The following PSMD6 variants were observed in gnomAD, a reference collection of about 807,000 sequenced individuals.
PSMD6 encodes the protein 26S proteasome non-ATPase regulatory subunit 6.
Under a neutral mutation model 44.9 loss-of-function variants are expected in PSMD6, and 7 were observed. The ratio of observed to expected loss-of-function variants is 0.16; its 90% CI spans 0.09 to 0.29. PSMD6 has a LOEUF of 0.29. PSMD6 is among the 10% of genes least tolerant of loss of function. The pLI, the probability that PSMD6 is intolerant of heterozygous loss-of-function variation, is 1.00. For synonymous variants in PSMD6, 184 were observed against 172.7 expected, an observed-to-expected ratio of 1.07 and a Z score of -0.51; for missense variants, 420 against 482.6, an observed-to-expected ratio of 0.87 and a Z score of 1.21.
chr3:64,011,655 A>G (rs1445006292), intron 6 of PSMD6: 1 of 152,058 alleles, frequency 6.6e-6, no homozygotes, highest in Non-Finnish European at 1.5e-5. Flanking sequence ...AAGGGAAAAA[A>G]AAAAAACTGA....
Position 64,019,327 on chromosome 3 carries a change from G to C in PSMD6, c.466C>G (p.Leu156Val). Residue 156 changes from leucine to valine, a missense_variant, in exon 3 of 8, where the codon CTC (leucine) becomes GTC (valine). Transcript: ENST00000295901. Reference sequence around the variant, plus strand: ...GCCTTTTCTGTGTTTCGTGTGATGAGATCATTATCCATATAAAATAAGCCA... The same window carrying C: ...GCCTTTTCTGTGTTTCGTGTGATGACATCATTATCCATATAAAATAAGCCA... ...RIGLFYMDND[L>V]ITRNTEKAKS... The C allele has an allele frequency of 1.3e-6, 2 of 1,591,780 alleles. No homozygotes were observed. The highest frequency in any genetic ancestry group is 1.7e-6 in the Non-Finnish European group (2 of 1,159,666).
chr3:64,013,375 C>G (rs752923679), intron 6 of PSMD6, 64 bp downstream of exon 6: 187 of 1,417,094 alleles, frequency 1.3e-4, no homozygotes, highest in Non-Finnish European at 1.6e-4. Context: ...AAAAATTGTA[C>G]AAGTTCACAT....
chr3:64,011,042 T>G, intron 6 of PSMD6, 87 bp from the exon 7 acceptor site: 10 of 1,109,860 alleles, frequency 9.0e-6, no homozygotes, highest in South Asian at 7.2e-5. Context: ...GTCTTAAATT[T>G]GTAACAAACA....
At position 64,022,445 on chromosome 3, in the gene PSMD6, T is replaced by G. The variant is rs1364817491; in HGVS notation, c.224A>C (p.Lys75Thr). The G allele has an allele frequency of 6.2e-7, 1 of 1,614,204 alleles. No individual in the cohort carries two copies. Among genetic ancestry groups the G allele is most frequent in the Non-Finnish European group, 8.5e-7 (1 of 1,180,002 alleles). ...ACGCTTCAACTCATCTTCATTTGCC[T>G]TCTTCATTTTATTGAGTAGGTCCAC... ...IDVDLLNKMK[K>T]ANEDELKRLD... The change falls in exon 2 of 8, where the codon AAG (lysine) becomes ACG (threonine). Residue 75 changes from lysine to threonine, a missense_variant. By Grantham distance (78) the Lys-to-Thr change is moderately conservative (BLOSUM62 -1). This residue lies in a region of PSMD6 where 136 missense variants were observed against 124.2 expected (regional missense o/e 1.09). Coordinates refer to ENST00000295901, the MANE Select transcript of PSMD6 (RefSeq NM_014814.3).
At chr3:64,016,635 A>G (rs983176518) in intron 5 of PSMD6, 2 of 152,200 alleles carry the variant, frequency 1.3e-5, no homozygotes, top group Non-Finnish European at 2.9e-5. Flanking sequence ...TTACAATGAG[A>G]TATCATTTCA....
Position 64,019,341 on chromosome 3 carries a change from T to C in PSMD6, c.452A>G (p.Tyr151Cys), listed in dbSNP as rs1358251589. 1.9e-6 allele frequency: 3 copies of C among 1,597,142 alleles called. No individual in the cohort carries two copies. The highest frequency in any genetic ancestry group is 4.5e-5 in the East Asian group (2 of 44,790). ...VFYLLRIGLFYMDNDLITRNT... is the reference protein window; with the variant it reads ...VFYLLRIGLFCMDNDLITRNT... ...TCGTGTGATGAGATCATTATCCATA[T>C]AAAATAAGCCAATCCTAAGGAGATA... The change falls in exon 3 of 8, where the codon TAT (tyrosine) becomes TGT (cysteine). Residue 151 changes from tyrosine to cysteine, a missense_variant. By Grantham distance (194) the Tyr-to-Cys change is radical. Coordinates refer to ENST00000295901, the MANE Select transcript of PSMD6 (RefSeq NM_014814.3).
At chr3:64,022,682 A>G (rs2076151495) in intron 1 of PSMD6, 159 bp from the exon 2 acceptor site, 8 of 1,537,522 alleles carry the variant, frequency 5.2e-6, no homozygotes, top group Non-Finnish European at 7.0e-6. Flanking sequence ...GGCTTGGCAA[A>G]ACATAAACGT....
chr3:64,011,188 C>G (rs943009015), intron 6 of PSMD6: 1 of 379,884 alleles, frequency 2.6e-6, no homozygotes, highest in Non-Finnish European at 4.7e-6. Context: ...GAAAGTAGAT[C>G]AAACAATGAA....
rs1290414151 is a variant in PSMD6, at chr3:64,018,008, T to C, written c.826+591A>G. 2.0e-5 allele frequency among the ~76,000 whole-genome samples: 3 copies of C among 152,192 alleles called. No homozygotes were observed. The East Asian group carries it at 5.8e-4, about 29-fold the overall frequency. On this transcript the variant is annotated intron_variant, in intron 5 of 7. Coordinates refer to ENST00000295901, the MANE Select transcript of PSMD6 (RefSeq NM_014814.3). ...AACAAGCAAATGTGTGAAGGCAGGA[T>C]CACTACAAACTAGCTTTGAAGGAAT...
Position 64,023,343 on chromosome 3 carries a change from A to C in PSMD6, c.77T>G (p.Leu26Arg). Residue 26 changes from leucine to arginine, a missense_variant, in exon 1 of 8, where the codon CTC (leucine) becomes CGC (arginine). Physicochemically the swap from Leu to Arg is moderately radical, Grantham distance 102. Transcript: ENST00000295901. ...DLRIAQLRFL[L>R]SLPEHRGDAA... ...GTCTCCGCGGTGCTCGGGCAGGCTG[A>C]GCAGGAAGCGCAGCTGCGCGATACG... 1.2e-6 allele frequency: 2 copies of C among 1,609,412 alleles called. No individual in the cohort carries two copies. The highest frequency in any genetic ancestry group is 1.7e-5 in the Admixed American group (1 of 59,542).
intron 6 of PSMD6, chr3:64,012,854 C>T (rs1223277139): frequency 6.6e-6 from 1 of 152,216 alleles, no homozygotes; most frequent in Non-Finnish European, 1.5e-5. Context: ...AGGTTCATTT[C>T]TATATGTGAA....
chr3:64,018,072 C>T (rs959553709), intron 5 of PSMD6, among the ~76,000 whole-genome samples: 5 of 152,088 alleles, frequency 3.3e-5, no homozygotes, highest in African/African-American at 1.2e-4. Flanking sequence ...AACCCATAGC[C>T]CTTGAAAATG....
chr3:64,022,913 G>A, intron 1 of PSMD6: 1 of 1,467,326 alleles, frequency 6.8e-7, no homozygotes, highest in East Asian at 2.5e-5. Context: ...CCCTTCCACA[G>A]GCAAGCTGAA....
rs1411675630 is a variant in PSMD6, at chr3:64,019,401, G to C, written c.392C>G (p.Thr131Ser). The change falls in exon 3 of 8, where the codon ACT (threonine) becomes AGT (serine). Residue 131 changes from threonine to serine, a missense_variant. Around this residue, in one of 4 missense-constraint regions of PSMD6, gnomAD observed 216 missense variants for 227.0 expected, o/e 0.95. Transcript: ENST00000295901. ...LTAFRKTYDK[T>S]VALGHRLDIV... ...ATCCAATCGGTGACCCAGGGCCACA[G>C]TTTTGTCATATGTCTTGCGAAAGGC... The C allele has an allele frequency of 2.6e-5, 42 of 1,613,406 alleles. No individual in the cohort carries two copies. The highest frequency in any genetic ancestry group is 1.1e-4 in the South Asian group (10 of 91,056).
chr3:64,023,210 CA>C (rs2076161500), intron 1 of PSMD6, 64 bp downstream of exon 1: 2 of 1,483,838 alleles, frequency 1.3e-6, no homozygotes, highest in Non-Finnish European at 1.8e-6. Context: ...AAAGTCCCCG[CA>C]GGCTCCGGAA....
chr3:64,014,557 G>A (rs575891661), intron 5 of PSMD6: 1 of 152,452 alleles, frequency 6.6e-6, no homozygotes, highest in Non-Finnish European at 1.5e-5. Flanking sequence ...GGAACAGAAA[G>A]GATGCCAGAC....
Position 64,023,174 on chromosome 3 carries a change from C to G in PSMD6, c.145+101G>C, listed in dbSNP as rs572742421. The G allele has an allele frequency of 6.9e-6, 10 of 1,440,232 alleles. No individual in the cohort carries two copies. In the South Asian group the frequency reaches 9.9e-5, roughly 14 times the overall value. The allele number at this position is 1,440,232 out of a possible 1,614,324, so 89.2% of individuals were successfully genotyped here. On this transcript the variant is annotated intron_variant, in intron 1 of 7. Coordinates refer to ENST00000295901, the MANE Select transcript of PSMD6 (RefSeq NM_014814.3). Reference sequence around the variant, plus strand: ...CCAGGCCTGGTCTCTGAGACCCCGTCAGAGGGGTCTGGAGCTCCATCAAAA... The same window carrying G: ...CCAGGCCTGGTCTCTGAGACCCCGTGAGAGGGGTCTGGAGCTCCATCAAAA...
intron 3 of PSMD6, 64 bp downstream of exon 3, chr3:64,019,232 A>G (rs972565572): frequency 6.6e-6 from 10 of 1,507,608 alleles, no homozygotes; most frequent in African/African-American, 5.6e-5. Flanking sequence ...GCAGTTTCTT[A>G]TATCAGCTTC....
At chr3:64,011,021 A>ATTAAAATACT (rs2075932707) in intron 6 of PSMD6, 66 bp from the exon 7 acceptor site, 1 of 1,272,462 alleles carries the variant, frequency 7.9e-7, no homozygotes, top group African/African-American at 1.5e-5. Flanking sequence ...TGCAAACGGC[A>ATTAAAATACT]TTAAAATACT....
Sources: gnomAD v4.1 joint callset for allele counts (sites outside exome capture counted in the v4.1 genomes callset) on GRCh38, gnomAD v4.1.1 for gene constraint, gnomAD v4.1.1 regional missense constraint, MANE v1.5 for transcripts, NCBI Gene and HGNC (gene_info 2026-07-23, HGNC 2026-07-21) for gene names.